CCDC92B: variants seen among roughly 807,000 people sequenced by gnomAD.
CCDC92B encodes the protein coiled-coil domain containing 92B, also known as coiled-coil domain-containing 92B.
In CCDC92B, 2 loss-of-function variants were observed where a neutral mutation model predicts 5.6. The ratio of observed to expected loss-of-function variants is 0.36; its 90% CI spans 0.15 to 1.12. CCDC92B has a LOEUF of 1.12. Among genes scored for constraint, CCDC92B ranks in the 50% most tolerant of loss-of-function variants. The pLI is 0.40. For missense variants in CCDC92B, 271 were observed against 262.2 expected (o/e 1.03, Z -0.23); for synonymous variants, 115 against 122.3 (o/e 0.94, Z 0.39).
At chr17:2,735,427 T>C (rs2070847289) in intron 1 of CCDC92B, among the ~76,000 whole-genome samples, 1 of 152,168 alleles carries the variant, frequency 6.6e-6, no homozygotes, top group Non-Finnish European at 1.5e-5. Flanking sequence ...CCTGTTCCCA[T>C]GTAACTTTTT....
At chr17:2,728,235 A>G (rs60638708) in intron 3 of CCDC92B, among the ~76,000 whole-genome samples, 2 of 150,110 alleles carry the variant, frequency 1.3e-5, no homozygotes, top group African/African-American at 4.9e-5. Context: ...GATCTCTTGA[A>G]CCCACCTAGG....
At position 2,723,338 on chromosome 17, in the gene CCDC92B, C is replaced by G. The variant is rs1479031188; in HGVS notation, c.*1073G>C. On this transcript the variant is annotated 3_prime_UTR_variant, in exon 4 of 4. Transcript: ENST00000614400. ...CGGAGTAGCTGGGATTACAGGCGTG[C>G]ACCACCACGCCCGGCTAATTTTTGT... 2 of 152,366 alleles carry G rather than the reference C, an allele frequency of 1.3e-5. No individual in the cohort carries two copies. The highest frequency in any genetic ancestry group is 4.8e-5 in the African/African-American group (2 of 41,444). The allele number at this position is 152,366 out of a possible 1,614,324, so 9.4% of individuals were successfully genotyped here. A position where few individuals can be genotyped will look rare whatever the true frequency, so the allele number is the denominator to read the frequency against.
At chr17:2,734,854 C>G (rs1365996602) in intron 2 of CCDC92B, among the ~76,000 whole-genome samples, 162 bp downstream of exon 2, 1 of 152,202 alleles carries the variant, frequency 6.6e-6, no homozygotes, top group Non-Finnish European at 1.5e-5. Context: ...CTCTGTCCAT[C>G]TCACCTCCCC....
At chr17:2,740,413 G>C (rs1451164121) in intron 1 of CCDC92B, among the ~76,000 whole-genome samples, 1 of 152,028 alleles carries the variant, frequency 6.6e-6, no homozygotes, top group Non-Finnish European at 1.5e-5. Context: ...TGTAATCTCA[G>C]CACTTTGGGA....
At chr17:2,728,661 G>A (rs2070764158) in intron 3 of CCDC92B, among the ~76,000 whole-genome samples, 1 of 152,154 alleles carries the variant, frequency 6.6e-6, no homozygotes, top group Non-Finnish European at 1.5e-5. Flanking sequence ...CAGTGGCTTG[G>A]GCCCAGGTGA....
intron 1 of CCDC92B, among the ~76,000 whole-genome samples, chr17:2,746,403 C>T (rs574192359): frequency 2.6e-5 from 4 of 152,326 alleles, no homozygotes; most frequent in Non-Finnish European, 4.4e-5. Context: ...GTACTTTTAA[C>T]ATGTCTCTGA....
At chr17:2,739,933 G>A (rs2070908483) in intron 1 of CCDC92B, among the ~76,000 whole-genome samples, 1 of 152,000 alleles carries the variant, frequency 6.6e-6, no homozygotes, top group African/African-American at 2.4e-5. Context: ...TGAAGTCCCT[G>A]CTCTCATGGA....
chr17:2,738,808 C>T lies in CCDC92B; in HGVS notation c.-23-3640G>A, dbSNP rs1474371560. On this transcript the variant is annotated intron_variant, in intron 1 of 3. Coordinates refer to ENST00000614400, the MANE Select transcript of CCDC92B (RefSeq NM_001355573.2). Reference sequence around the variant, plus strand: ...ATGTAAGGCCTGGCACAGTGGCTCACGCCTGTAATCCCAGCACTTTGGGAG... The same window carrying T: ...ATGTAAGGCCTGGCACAGTGGCTCATGCCTGTAATCCCAGCACTTTGGGAG... Among the ~76,000 whole-genome samples, 3 of 150,608 alleles carry T rather than the reference C, an allele frequency of 2.0e-5. No homozygotes were observed. The South Asian group carries it at 6.3e-4, about 32-fold the overall frequency.
chr17:2,726,182 ATTT>A (rs71150891), intron 3 of CCDC92B, among the ~76,000 whole-genome samples: 2,598 of 142,340 alleles, frequency 0.018, 101 homozygotes, highest in African/African-American at 0.066. Flanking sequence ...ATATATATAT[ATTT>A]TTTTTTTTTT....
In CCDC92B at chr17:2,739,607, G is replaced by A. The variant is rs1219083335; in HGVS notation, c.-23-4439C>T. 1.4e-4 allele frequency among the ~76,000 whole-genome samples: 22 copies of A among 151,778 alleles called. 2 individuals carry two copies. The highest frequency in any genetic ancestry group is 4.4e-4 in the African/African-American group (18 of 41,172). ...TGAGGCAGGAGAACGGCGTGAACCC[G>A]GGAGGTGGAGCTTGCAGTGAGCCAA... On this transcript the variant is annotated intron_variant, in intron 1 of 3. Transcript: ENST00000614400.
chr17:2,739,426 A>G (rs2070899964), intron 1 of CCDC92B, among the ~76,000 whole-genome samples: 1 of 151,704 alleles, frequency 6.6e-6, no homozygotes, highest in Admixed American at 6.6e-5. Flanking sequence ...CATGCCTGTA[A>G]TCCCAGCACT....
intron 3 of CCDC92B, among the ~76,000 whole-genome samples, chr17:2,727,627 C>A (rs1209989828): frequency 3.3e-5 from 5 of 151,882 alleles, no homozygotes; most frequent in Admixed American, 2.6e-4. Flanking sequence ...AGTTCGAGAC[C>A]AGCCTGGCCA....
chr17:2,733,434 T>C (rs2070819785), intron 2 of CCDC92B, among the ~76,000 whole-genome samples: 1 of 152,004 alleles, frequency 6.6e-6, no homozygotes, highest in Non-Finnish European at 1.5e-5. Context: ...TAATTTTGTA[T>C]TTTTAGTAGA....
chr17:2,732,825 A>G (rs1324200599), intron 2 of CCDC92B, among the ~76,000 whole-genome samples: 1 of 151,856 alleles, frequency 6.6e-6, no homozygotes, highest in Admixed American at 6.6e-5. Context: ...CATCCTGGCT[A>G]ACACGGTGAA....
At chr17:2,727,315 A>AT (rs1348450390) in intron 3 of CCDC92B, among the ~76,000 whole-genome samples, 2 of 152,134 alleles carry the variant, frequency 1.3e-5, no homozygotes, top group Admixed American at 6.5e-5. Flanking sequence ...TGAAAGACCA[A>AT]TTGCACCAGC....
chr17:2,725,045 G>T (rs2070710055), intron 3 of CCDC92B, 45 bp from the exon 4 acceptor site: 1 of 984,844 alleles, frequency 1.0e-6, no homozygotes, highest in African/African-American at 1.8e-5. Flanking sequence ...CCCCTGGCTT[G>T]GAACAGAACC....
At chr17:2,744,410 C>T (rs537448718) in intron 1 of CCDC92B, among the ~76,000 whole-genome samples, 4 of 151,980 alleles carry the variant, frequency 2.6e-5, no homozygotes, top group African/African-American at 9.7e-5. Flanking sequence ...AGGCTGACCT[C>T]GAACTCCTGG....
chr17:2,728,448 T>C (rs1028176123), intron 3 of CCDC92B, among the ~76,000 whole-genome samples: 1 of 150,980 alleles, frequency 6.6e-6, no homozygotes, highest in Non-Finnish European at 1.5e-5. Context: ...CTACTAAAAA[T>C]ACAAAAAATG....
intron 2 of CCDC92B, among the ~76,000 whole-genome samples, chr17:2,734,768 G>A (rs1157645010): frequency 6.6e-6 from 1 of 152,072 alleles, no homozygotes; most frequent in Non-Finnish European, 1.5e-5. Context: ...GATTACAGGT[G>A]TGAGCCACCG....
Sources: allele counts gnomAD v4.1 joint callset (sites outside exome capture counted in the v4.1 genomes callset), GRCh38; gene constraint gnomAD v4.1.1; transcripts MANE v1.5; gene names NCBI Gene and HGNC (gene_info 2026-07-23, HGNC 2026-07-21).